RNF125: variants seen among roughly 807,000 people sequenced by gnomAD.
The protein encoded by RNF125 is ring finger protein 125.
Under a neutral mutation model 26.0 loss-of-function variants are expected in RNF125, and 21 were observed. The ratio of observed to expected loss-of-function variants is 0.81; its 90% CI spans 0.57 to 1.16. The LOEUF (loss-of-function observed/expected upper bound fraction) is 1.16, where lower values mean the gene tolerates loss of function less well. Ranked by LOEUF, RNF125 falls within the 50% of genes most tolerant of loss-of-function variation. RNF125 has a pLI of 0.00. For synonymous variants in RNF125, 95 were observed against 109.2 expected, an observed-to-expected ratio of 0.87 and a Z score of 0.81; for missense variants, 270 against 299.4, an observed-to-expected ratio of 0.90 and a Z score of 0.72.
chr18:32,064,390 C>CTTT (rs2039463479), intron 4 of RNF125, among the ~76,000 whole-genome samples: 1 of 84,694 alleles, frequency 1.2e-5, no homozygotes, highest in African/African-American at 4.6e-5. Flanking sequence ...AAATCTTTTT[C>CTTT]TTTTTCTTTT....
rs997501957 is a variant in RNF125, at chr18:32,053,027, C to T, written c.504+7295C>T. Among the ~76,000 whole-genome samples, 5 of 152,268 alleles carry T rather than the reference C, an allele frequency of 3.3e-5. No homozygotes were observed. The South Asian group carries it at 8.3e-4, about 25-fold the overall frequency. Reference sequence around the variant, plus strand: ...TTTCTATTAAATATTAAATCAGTCACGCACAGACTTTAGAAATGGAATTCA... The same window carrying T: ...TTTCTATTAAATATTAAATCAGTCATGCACAGACTTTAGAAATGGAATTCA... On this transcript the variant is annotated intron_variant, in intron 4 of 5. Coordinates refer to ENST00000217740, the MANE Select transcript of RNF125 (RefSeq NM_017831.4).
chr18:32,026,239 G>A (rs1306764470), intron 1 of RNF125, among the ~76,000 whole-genome samples: 2 of 133,324 alleles, frequency 1.5e-5, no homozygotes, highest in East Asian at 2.3e-4. Context: ...CTGAGCACCC[G>A]GTCTTTTTTT....
At chr18:32,064,407 T>C (rs1232167393) in intron 4 of RNF125, among the ~76,000 whole-genome samples, 1 of 137,278 alleles carries the variant, frequency 7.3e-6, no homozygotes, top group African/African-American at 2.7e-5. Context: ...TTTTTTTTTT[T>C]TTTTTTTTTT....
downstream of RNF125, chr18:32,076,166 C>G: frequency 1.8e-6 from 1 of 541,636 alleles, no homozygotes; most frequent in Non-Finnish European, 3.4e-6. Context: ...AGTTAGAAAC[C>G]GGATGATGAC....
chr18:32,046,033 A>G (rs1346954824), intron 4 of RNF125, among the ~76,000 whole-genome samples: 1 of 152,014 alleles, frequency 6.6e-6, no homozygotes, highest in East Asian at 1.9e-4. Flanking sequence ...CTGGGCCAAT[A>G]TGGTGAAACC....
intron 1 of RNF125, among the ~76,000 whole-genome samples, chr18:32,024,162 A>C (rs1598806509): frequency 6.8e-6 from 1 of 147,706 alleles, no homozygotes; most frequent in African/African-American, 2.5e-5. Context: ...TTCGTTTTCC[A>C]TTAACAAAAA....
At chr18:32,077,843 G>C (rs901924997), downstream of RNF125, among the ~76,000 whole-genome samples, 2 of 150,840 alleles carry the variant, frequency 1.3e-5, no homozygotes, top group African/African-American at 2.4e-5. Context: ...AGGCTGGAGT[G>C]CAGTGGTGTG....
chr18:32,090,370 C>T, the RNF125 span, among the ~76,000 whole-genome samples: 1 of 152,204 alleles, frequency 6.6e-6, no homozygotes, highest in Non-Finnish European at 1.5e-5. Flanking sequence ...CCTCTCGTCA[C>T]GTGCTCTTCC....
At chr18:32,055,375 A>G (rs2039370597) in intron 4 of RNF125, among the ~76,000 whole-genome samples, 1 of 151,962 alleles carries the variant, frequency 6.6e-6, no homozygotes, top group Admixed American at 6.6e-5. Context: ...TGCTCCCGGT[A>G]TTCATTCTCA....
At chr18:32,057,164 TTAAAA>T (rs1412434481) in intron 4 of RNF125, among the ~76,000 whole-genome samples, 1 of 152,128 alleles carries the variant, frequency 6.6e-6, no homozygotes, top group African/African-American at 2.4e-5. Context: ...TACCCAGCAC[TTAAAA>T]TAGAACACAG....
At chr18:32,066,107 G>A in intron 5 of RNF125, 98 bp downstream of exon 5, 1 of 731,956 alleles carries the variant, frequency 1.4e-6, no homozygotes, top group Non-Finnish European at 2.4e-6. Context: ...GAAAAAATGT[G>A]TATATAGCTA....
intron 1 of RNF125, among the ~76,000 whole-genome samples, chr18:32,019,432 C>A (rs928767279): frequency 3.3e-5 from 5 of 152,210 alleles, no homozygotes; most frequent in African/African-American, 1.2e-4. Context: ...TCCCGCAAAG[C>A]GCAGTTACCC....
Position 32,071,333 on chromosome 18 carries a change from C to T in RNF125, c.*2949C>T, listed in dbSNP as rs1302825609. 6.6e-6 allele frequency: 1 copy of T among 152,130 alleles called. No homozygotes were observed. 9.4% of individuals were successfully genotyped at this position (152,130 alleles called of 1,614,324 possible). A position where few individuals can be genotyped will look rare whatever the true frequency, so the allele number is the denominator to read the frequency against. ...TATTTTTAGTAGAGATGGGTTTTGC[C>T]ATGTTGGCCAGGCTGGTTTTGAACT... is the stretch of plus-strand genomic sequence containing the variant. On this transcript the variant is annotated 3_prime_UTR_variant, in exon 6 of 6. Transcript: ENST00000217740.
intron 1 of RNF125, among the ~76,000 whole-genome samples, chr18:32,030,701 C>G (rs2039084792): frequency 6.6e-6 from 1 of 152,134 alleles, no homozygotes; most frequent in South Asian, 2.1e-4. Context: ...TCAAATACTA[C>G]AGACTGGGTA....
the RNF125 span, among the ~76,000 whole-genome samples, chr18:32,086,428 T>C: frequency 1.3e-5 from 2 of 150,990 alleles, no homozygotes; most frequent in East Asian, 3.9e-4. Flanking sequence ...CATGGCTCAC[T>C]GCAGCCTTGA....
intron 4 of RNF125, among the ~76,000 whole-genome samples, chr18:32,055,106 G>A (rs1314678088): frequency 6.6e-6 from 1 of 151,916 alleles, no homozygotes; most frequent in Non-Finnish European, 1.5e-5. Flanking sequence ...AGGCCAGCCT[G>A]GGCAACGGAG....
intron 4 of RNF125, among the ~76,000 whole-genome samples, chr18:32,065,048 G>C (rs1418461836): frequency 1.3e-5 from 2 of 152,092 alleles, no homozygotes; most frequent in African/African-American, 2.4e-5. Context: ...GAAACAAATA[G>C]TTATATTGTT....
At chr18:32,035,124 C>G (rs1304239890) in intron 1 of RNF125, among the ~76,000 whole-genome samples, 1 of 151,984 alleles carries the variant, frequency 6.6e-6, no homozygotes, top group African/African-American at 2.4e-5. Flanking sequence ...TTGGTAGGCA[C>G]CTTGATTTAG....
intron 3 of RNF125, among the ~76,000 whole-genome samples, chr18:32,045,023 C>T (rs1160098973): frequency 6.6e-6 from 1 of 151,214 alleles, no homozygotes; most frequent in East Asian, 1.9e-4. Flanking sequence ...GAGGCTGAGA[C>T]AGGAGGATCA....
Sources: allele counts gnomAD v4.1 joint callset (sites outside exome capture counted in the v4.1 genomes callset), GRCh38; gene constraint gnomAD v4.1.1; transcripts MANE v1.5; gene names NCBI Gene and HGNC (gene_info 2026-07-23, HGNC 2026-07-21).